The following FGF14 variants were observed in gnomAD, a reference collection of about 807,000 sequenced individuals.
The protein encoded by FGF14 is fibroblast growth factor homologous factor 4.
In FGF14, 5 loss-of-function variants were observed where a neutral mutation model predicts 25.5. The ratio of observed to expected loss-of-function variants is 0.20; its 90% CI spans 0.10 to 0.41. FGF14 has a LOEUF of 0.41. FGF14 is among the 10% of genes least tolerant of loss of function. The probability of loss-of-function intolerance (pLI) is 1.00; values close to 1 mark genes in which losing one functional copy is unlikely to be tolerated. For synonymous variants in FGF14, 138 were observed against 118.3 expected (o/e 1.17, Z -1.08); for missense variants, 222 against 320.1 (o/e 0.69, Z 2.34).
At chr13:101,882,144 C>A (rs2181507) in intron 1 of FGF14, among the ~76,000 whole-genome samples, 121,724 of 151,838 alleles carry the variant, frequency 0.8, 48,980 homozygotes, top group East Asian at 0.99. Context: ...AAACACTACG[C>A]AGAATGATTC....
At chr13:102,396,514 ACACTT>A (rs1426981031) in intron 1 of FGF14, among the ~76,000 whole-genome samples, 1 of 152,230 alleles carries the variant, frequency 6.6e-6, no homozygotes, top group Non-Finnish European at 1.5e-5. Context: ...ATGTATAAAA[ACACTT>A]CACAAAAGTC....
At chr13:102,238,790 C>G (rs1186988473) in intron 1 of FGF14, among the ~76,000 whole-genome samples, 1 of 152,188 alleles carries the variant, frequency 6.6e-6, no homozygotes, top group Non-Finnish European at 1.5e-5. Flanking sequence ...AAAATAACCT[C>G]ACAGTGCTTT....
At chr13:101,885,377 C>T (rs773720616) in intron 1 of FGF14, among the ~76,000 whole-genome samples, 26 of 152,148 alleles carry the variant, frequency 1.7e-4, no homozygotes, top group Middle Eastern at 3.4e-3. Context: ...GAGAAAGAGG[C>T]GAGGTGATTC....
chr13:102,347,764 G>T (rs1336569162), intron 1 of FGF14, among the ~76,000 whole-genome samples: 1 of 152,122 alleles, frequency 6.6e-6, no homozygotes, highest in African/African-American at 2.4e-5. Context: ...ACTAGGTGAT[G>T]CTAGAGAGGA....
chr13:102,359,318 C>T (rs1052548014), intron 1 of FGF14, among the ~76,000 whole-genome samples: 1 of 152,170 alleles, frequency 6.6e-6, no homozygotes, highest in Admixed American at 6.5e-5. Flanking sequence ...TATCCAAGAA[C>T]TTAAAATTAC....
chr13:101,837,932 A>G (rs1459181433), intron 3 of FGF14, among the ~76,000 whole-genome samples: 1 of 152,086 alleles, frequency 6.6e-6, no homozygotes, highest in East Asian at 2.0e-4. Flanking sequence ...TGCAGCCAGA[A>G]TAAAAGCAGG....
At position 102,400,987 on chromosome 13, in the gene FGF14, C is replaced by G. The variant is rs2058691452; in HGVS notation, c.208+484G>C. 6.6e-6 allele frequency among the ~76,000 whole-genome samples: 1 copy of G among 152,092 alleles called. No individual in the cohort carries two copies. The highest frequency in any genetic ancestry group is 1.5e-5 in the Non-Finnish European group (1 of 68,012). On this transcript the variant is annotated intron_variant, in intron 1 of 4. Transcript: ENST00000376131. The surrounding 1 kb of genome is among the most constrained non-coding windows in gnomAD (Gnocchi z 4.3). ...AGCGGGGCCGCGAGGGAGGGGGCCT[C>G]TTTTACTTTGGTAAAGGTGATCGTG...
chr13:101,985,036 TGAGC>T (rs551172818), intron 1 of FGF14, among the ~76,000 whole-genome samples: 161 of 151,030 alleles, frequency 1.1e-3, no homozygotes, highest in Non-Finnish European at 2.0e-3. Context: ...TAGATTGTCA[TGAGC>T]GTATAAAGAC....
Position 101,916,723 on chromosome 13 carries a change from G to C in FGF14, c.-78C>G. On this transcript the variant is annotated 5_prime_UTR_variant, in exon 1 of 5. Transcript: ENST00000376143. ...GGGGGCACCGGAGGGGAAGGCGGCG[G>C]CGCAGACCGTGGCTCGCCCTCGGGG... The C allele has an allele frequency of 7.6e-7, 1 of 1,309,882 alleles. No individual in the cohort carries two copies. Among genetic ancestry groups the C allele is most frequent in the Non-Finnish European group, 1.0e-6 (1 of 983,220 alleles). 81.1% of individuals were successfully genotyped at this position (1,309,882 alleles called of 1,614,324 possible). A position where few individuals can be genotyped will look rare whatever the true frequency, so the allele number is the denominator to read the frequency against.
intron 1 of FGF14, among the ~76,000 whole-genome samples, chr13:102,354,562 C>A (rs1471902845): frequency 6.6e-6 from 1 of 152,146 alleles, no homozygotes; most frequent in Non-Finnish European, 1.5e-5. Flanking sequence ...ATATAAAAAA[C>A]CAAGCTGTAC....
intron 1 of FGF14, among the ~76,000 whole-genome samples, chr13:102,221,367 T>A (rs551242397): frequency 1.3e-4 from 20 of 152,238 alleles, no homozygotes; most frequent in South Asian, 1.0e-3. Flanking sequence ...AAAATTTAGG[T>A]CTTTTAAGAA....
chr13:102,071,849 C>T (rs1452505093), intron 1 of FGF14, among the ~76,000 whole-genome samples: 2 of 152,084 alleles, frequency 1.3e-5, no homozygotes, highest in Non-Finnish European at 2.9e-5. Flanking sequence ...CAATTTTAGT[C>T]CTGAAAAATT....
At chr13:102,233,640 A>G (rs1194235567) in intron 1 of FGF14, among the ~76,000 whole-genome samples, 1 of 152,166 alleles carries the variant, frequency 6.6e-6, no homozygotes, top group African/African-American at 2.4e-5. Context: ...AATTCTGTAG[A>G]TGAAACACGT....
chr13:101,906,137 C>T (rs2139029594), intron 1 of FGF14, among the ~76,000 whole-genome samples: 1 of 152,282 alleles, frequency 6.6e-6, no homozygotes, highest in Admixed American at 6.5e-5. Context: ...CAGATCAGAT[C>T]CCACCCCAGA....
At chr13:101,919,342 TAAG>T (rs1378172381), upstream of FGF14, among the ~76,000 whole-genome samples, 1 of 151,854 alleles carries the variant, frequency 6.6e-6, no homozygotes, top group East Asian at 1.9e-4. Flanking sequence ...AGTAAAATGT[TAAG>T]TATAGTGACC....
intron 1 of FGF14, among the ~76,000 whole-genome samples, chr13:102,325,568 T>C (rs1462932973): frequency 6.6e-6 from 1 of 152,070 alleles, no homozygotes; most frequent in Non-Finnish European, 1.5e-5. Flanking sequence ...TCGTCTGGAG[T>C]GTATCATGGG....
At chr13:102,351,878 G>A (rs892186606) in intron 1 of FGF14, among the ~76,000 whole-genome samples, 4 of 152,244 alleles carry the variant, frequency 2.6e-5, no homozygotes, top group African/African-American at 7.2e-5. Flanking sequence ...TTTTCTATTC[G>A]TTAGAAGTAA....
At chr13:102,363,775 A>G (rs1356333632) in intron 1 of FGF14, among the ~76,000 whole-genome samples, 6 of 152,006 alleles carry the variant, frequency 3.9e-5, no homozygotes, top group African/African-American at 1.5e-4. Context: ...AGTTTGATTG[A>G]TTTCTTCTCT....
At chr13:102,099,767 T>C (rs2140279700) in intron 1 of FGF14, among the ~76,000 whole-genome samples, 1 of 152,130 alleles carries the variant, frequency 6.6e-6, no homozygotes, top group Admixed American at 6.5e-5. Flanking sequence ...TATATTAGTA[T>C]TTATTTAATA....
Sources: gnomAD v4.1 joint callset for allele counts (sites outside exome capture counted in the v4.1 genomes callset) on GRCh38, gnomAD v4.1.1 for gene constraint, Gnocchi (gnomAD v3.1) non-coding constraint, MANE v1.5 for transcripts, NCBI Gene and HGNC (gene_info 2026-07-23, HGNC 2026-07-21) for gene names.